Variants in CTNNAL1 observed in about 807,000 individuals in gnomAD.
The protein encoded by CTNNAL1 is catenin alpha like 1.
CTNNAL1 carries 69 observed loss-of-function variants against 93.6 expected under a neutral mutation model. The ratio of observed to expected loss-of-function variants is 0.74; its 90% CI spans 0.61 to 0.90. CTNNAL1 has a LOEUF of 0.90. Ranked by LOEUF, CTNNAL1 falls within the 40% of genes least tolerant of loss-of-function variation. CTNNAL1 has a pLI of 0.00. For missense variants in CTNNAL1, 836 were observed against 862.0 expected, an observed-to-expected ratio of 0.97 and a Z score of 0.38; for synonymous variants, 286 against 305.4, an observed-to-expected ratio of 0.94 and a Z score of 0.66.
chr9:108,945,628 G>GTTTTT, intron 15 of CTNNAL1, among the ~76,000 whole-genome samples: 1 of 140,404 alleles, frequency 7.1e-6, no homozygotes, highest in African/African-American at 2.7e-5. Flanking sequence ...TGCCCCGCTA[G>GTTTTT]TTTTTTTTTT....
intron 6 of CTNNAL1, among the ~76,000 whole-genome samples, chr9:108,981,409 G>A (rs1261506425): frequency 1.3e-5 from 2 of 150,218 alleles, no homozygotes; most frequent in Admixed American, 1.3e-4. Flanking sequence ...TGGACTTTGG[G>A]ATTAGAGAAT....
intron 11 of CTNNAL1, among the ~76,000 whole-genome samples, chr9:108,963,901 C>T (rs1830883857): frequency 6.6e-6 from 1 of 152,150 alleles, no homozygotes; most frequent in Non-Finnish European, 1.5e-5. Flanking sequence ...ATTATTGAGT[C>T]AAGGACACTT....
chr9:109,009,486 T>C (rs759345567), intron 1 of CTNNAL1, among the ~76,000 whole-genome samples: 1 of 152,216 alleles, frequency 6.6e-6, no homozygotes, highest in South Asian at 2.1e-4. Flanking sequence ...GCAATGCCAA[T>C]TGTCATTTAC....
chr9:108,982,257 C>T (rs1370641254), intron 6 of CTNNAL1, among the ~76,000 whole-genome samples: 3 of 152,122 alleles, frequency 2.0e-5, no homozygotes. Flanking sequence ...TCTCAAGCTC[C>T]TCAACAGTGT....
intron 15 of CTNNAL1, among the ~76,000 whole-genome samples, chr9:108,946,689 T>C (rs1359008523): frequency 6.6e-6 from 1 of 152,240 alleles, no homozygotes; most frequent in Non-Finnish European, 1.5e-5. Context: ...AGCTTTGCTT[T>C]GTTCACTTTT....
At chr9:108,972,231 C>T (rs1831133215) in intron 9 of CTNNAL1, among the ~76,000 whole-genome samples, 1 of 152,124 alleles carries the variant, frequency 6.6e-6, no homozygotes, top group African/African-American at 2.4e-5. Context: ...GCCTTGCTAC[C>T]ACTCGCCCCA....
chr9:109,003,825 T>C (rs907100982), intron 1 of CTNNAL1, among the ~76,000 whole-genome samples: 3 of 152,210 alleles, frequency 2.0e-5, no homozygotes, highest in East Asian at 3.8e-4. Flanking sequence ...GGAGAGGATA[T>C]GGATGGGAAG....
intron 15 of CTNNAL1, among the ~76,000 whole-genome samples, chr9:108,944,509 CT>C (rs1045666866): frequency 6.6e-6 from 1 of 152,136 alleles, no homozygotes; most frequent in Non-Finnish European, 1.5e-5. Flanking sequence ...TTTGTTGCCA[CT>C]TTTTTTCAGA....
At chr9:108,989,125 G>A (rs1180411567) in intron 4 of CTNNAL1, among the ~76,000 whole-genome samples, 1 of 152,096 alleles carries the variant, frequency 6.6e-6, no homozygotes, top group African/African-American at 2.4e-5. Context: ...AAAATAAAAT[G>A]TTCTCCATGC....
chr9:108,995,702 G>A (rs542858596), intron 2 of CTNNAL1, among the ~76,000 whole-genome samples: 4 of 152,102 alleles, frequency 2.6e-5, no homozygotes, highest in Non-Finnish European at 5.9e-5. Context: ...CAAGTAAAAA[G>A]CAACAATACA....
intron 11 of CTNNAL1, among the ~76,000 whole-genome samples, chr9:108,962,124 G>C (rs1392057890): frequency 1.3e-5 from 2 of 152,116 alleles, no homozygotes; most frequent in Non-Finnish European, 2.9e-5. Context: ...TACTCACTGT[G>C]GGATACTTCG....
In CTNNAL1 at chr9:108,987,297, A is replaced by G. The variant is rs1316954411; in HGVS notation, c.640-2861T>C. Among the ~76,000 whole-genome samples, 11 of 151,210 alleles carry G rather than the reference A, an allele frequency of 7.3e-5. No homozygotes were observed. In the East Asian group the frequency reaches 1.6e-3, roughly 21 times the overall value. ...TTATTAAATAGGGAATCCTTTCCCC[A>G]TTGCTTGTTTTTCTCAGGTTTGTCA... On this transcript the variant is annotated intron_variant, in intron 4 of 18. Transcript: ENST00000325551.
chr9:108,952,829 C>A (rs1830601371), intron 12 of CTNNAL1, among the ~76,000 whole-genome samples: 1 of 152,158 alleles, frequency 6.6e-6, no homozygotes, highest in African/African-American at 2.4e-5. Flanking sequence ...ATTATTATGT[C>A]CCCCAAACCT....
At chr9:108,997,963 G>A (rs1832083808) in intron 2 of CTNNAL1, among the ~76,000 whole-genome samples, 1 of 152,162 alleles carries the variant, frequency 6.6e-6, no homozygotes, top group Non-Finnish European at 1.5e-5. Context: ...ATACAAATGA[G>A]AACATGTCAC....
intron 12 of CTNNAL1, 129 bp from the exon 13 acceptor site, chr9:108,952,623 G>A: frequency 8.4e-7 from 1 of 1,195,662 alleles, no homozygotes; most frequent in East Asian, 2.5e-5. Flanking sequence ...TGTAATGACT[G>A]AATATTTTAC....
At chr9:109,011,436 A>G (rs1827200407) in intron 1 of CTNNAL1, among the ~76,000 whole-genome samples, 1 of 151,768 alleles carries the variant, frequency 6.6e-6, no homozygotes, top group Non-Finnish European at 1.5e-5. Flanking sequence ...GCAGTGATTT[A>G]TACTTTTCTT....
At chr9:108,993,446 C>T (rs1831891778) in intron 2 of CTNNAL1, among the ~76,000 whole-genome samples, 1 of 152,150 alleles carries the variant, frequency 6.6e-6, no homozygotes, top group African/African-American at 2.4e-5. Context: ...GTAAACAAAA[C>T]AAAAGCCTCC....
At chr9:108,974,839 A>T (rs1831215251) in intron 8 of CTNNAL1, among the ~76,000 whole-genome samples, 2 of 152,188 alleles carry the variant, frequency 1.3e-5, no homozygotes, top group Non-Finnish European at 2.9e-5. Context: ...AAATTTTTTT[A>T]AAATTCTAAT....
chr9:108,966,249 G>A (rs759350584), intron 10 of CTNNAL1, among the ~76,000 whole-genome samples: 4 of 152,108 alleles, frequency 2.6e-5, no homozygotes, highest in African/African-American at 9.7e-5. Context: ...TGTAAAGAGG[G>A]CAGAAATCAT....
Sources: allele counts gnomAD v4.1 joint callset (sites outside exome capture counted in the v4.1 genomes callset), GRCh38; gene constraint gnomAD v4.1.1; transcripts MANE v1.5; gene names NCBI Gene and HGNC (gene_info 2026-07-23, HGNC 2026-07-21).